MACROD1: variants seen among roughly 807,000 people sequenced by gnomAD.
MACROD1 encodes ADP-ribose glycohydrolase MACROD1.
Under a neutral mutation model 41.4 loss-of-function variants are expected in MACROD1, and 31 were observed. The observed-to-expected ratio is 0.75, with a 90% confidence interval of 0.56 to 1.01. The LOEUF (loss-of-function observed/expected upper bound fraction) is 1.01. MACROD1 is among the 50% of genes least tolerant of loss of function. MACROD1 has a pLI of 0.00. For synonymous variants in MACROD1, 252 were observed against 203.4 expected, an observed-to-expected ratio of 1.24 and a Z score of -2.03; for missense variants, 473 against 460.0, an observed-to-expected ratio of 1.03 and a Z score of -0.26.
In MACROD1 at chr11:64,045,410, G is replaced by A. The variant is rs531107670; in HGVS notation, c.518-30129C>T. On this transcript the variant is annotated intron_variant, in intron 3 of 10. Coordinates refer to ENST00000255681, the MANE Select transcript of MACROD1 (RefSeq NM_014067.4). Reference sequence around the variant, plus strand: ...CATGTTGATAATTTATTTGTGGAAGGGAAAGGGGTGAAGAGCGCAGGAGAG... The same window carrying A: ...CATGTTGATAATTTATTTGTGGAAGAGAAAGGGGTGAAGAGCGCAGGAGAG... Among the ~76,000 whole-genome samples the A allele has an allele frequency of 4.6e-5, 7 of 152,372 alleles. No homozygotes were observed. In the South Asian group the frequency reaches 1.4e-3, roughly 32 times the overall value.
chr11:64,016,196 G>C (rs1943079533), intron 3 of MACROD1, among the ~76,000 whole-genome samples: 1 of 152,254 alleles, frequency 6.6e-6, no homozygotes, highest in African/African-American at 2.4e-5. Flanking sequence ...TGACACGGGG[G>C]CAAAGTGAGG....
chr11:64,094,125 C>T (rs989851264), intron 3 of MACROD1, among the ~76,000 whole-genome samples: 4 of 152,098 alleles, frequency 2.6e-5, no homozygotes, highest in Non-Finnish European at 5.9e-5. Flanking sequence ...GGTGAAACCC[C>T]GACTCTATTA....
rs1295926786 is a variant in MACROD1 at position 63,999,397 on chromosome 11, G to C, written c.825C>G (p.Pro275=). ...PCISTGVFGY[P]CEAAAEIVLA... is the part of the protein sequence containing the mutation. ...GCACGATCTCGGCGGCCGCCTCACA[G>C]GGGTAGCCTGAGGCGGGTGGGGCGG... The change falls in exon 8 of 11, where the codon CCC becomes CCG. Residue 275 remains proline, a synonymous_variant. Transcript: ENST00000255681. The C allele has an allele frequency of 6.3e-7, 1 of 1,590,948 alleles. No individual in the cohort carries two copies. The highest frequency in any genetic ancestry group is 8.5e-7 in the Non-Finnish European group (1 of 1,172,346).
chr11:64,139,145 A>G (rs956217412), intron 3 of MACROD1, among the ~76,000 whole-genome samples: 2 of 151,826 alleles, frequency 1.3e-5, no homozygotes, highest in African/African-American at 4.8e-5. Flanking sequence ...TCTCAGCCCC[A>G]CCTCTGCTCA....
intron 3 of MACROD1, chr11:64,117,182 C>T (rs185115330): frequency 6.2e-7 from 1 of 1,614,092 alleles, no homozygotes; most frequent in East Asian, 2.2e-5. Flanking sequence ...CCAACAACAA[C>T]CTGACCACGC....
chr11:64,028,772 GGGCACCT>G (rs1419357580), intron 3 of MACROD1, among the ~76,000 whole-genome samples: 3 of 152,144 alleles, frequency 2.0e-5, no homozygotes, highest in Non-Finnish European at 4.4e-5. Flanking sequence ...TGGCTGCTGG[GGGCACCT>G]GTGCCCGGCA....
chr11:64,143,753 T>TACACGCACACACACAC lies in MACROD1; in HGVS notation c.517+7485_517+7486insGTGTGTGTGTGCGTGT, dbSNP rs1945448474. 2.0e-5 allele frequency among the ~76,000 whole-genome samples: 2 copies of TACACGCACACACACAC among 101,616 alleles called. 1 individual carries two copies. The highest frequency in any genetic ancestry group is 5.9e-4 in the East Asian group (2 of 3,382). 66.7% of individuals were successfully genotyped at this position (101,616 alleles called of 152,430 possible). On this transcript the variant is annotated intron_variant, in intron 3 of 10. Coordinates refer to ENST00000255681, the MANE Select transcript of MACROD1 (RefSeq NM_014067.4). ...CCTTCCCCCAACCCCGACACACACA[T>TACACGCACACACACAC]ACACACACACACACACACACACACA... is the stretch of plus-strand genomic sequence containing the variant.
chr11:64,135,225 G>C (rs1945316751), intron 3 of MACROD1, among the ~76,000 whole-genome samples: 1 of 152,228 alleles, frequency 6.6e-6, no homozygotes, highest in Non-Finnish European at 1.5e-5. Flanking sequence ...GCCATCCCAG[G>C]TCAGTCTAGC....
chr11:64,118,315 C>T lies in MACROD1; in HGVS notation c.517+32924G>A, dbSNP rs181750370. 24 of 1,530,782 alleles carry T rather than the reference C, an allele frequency of 1.6e-5. No individual in the cohort carries two copies. In the Admixed American group the frequency reaches 1.6e-4, roughly 10 times the overall value. 94.8% of individuals were successfully genotyped at this position (1,530,782 alleles called of 1,614,324 possible). On this transcript the variant is annotated intron_variant, in intron 3 of 10. Coordinates refer to ENST00000255681, the MANE Select transcript of MACROD1 (RefSeq NM_014067.4). ...TGATGCCCGCCCACCCGGGCTGCCC[C>T]GCCTCAGCCCCAGCTGCCCTGGCGT...
chr11:64,065,265 G>A (rs1252390391), intron 3 of MACROD1, among the ~76,000 whole-genome samples: 1 of 152,198 alleles, frequency 6.6e-6, no homozygotes, highest in Non-Finnish European at 1.5e-5. Context: ...GTGAGGCGGT[G>A]GGTGGGCAGG....
intron 1 of MACROD1, among the ~76,000 whole-genome samples, chr11:64,156,073 A>G (rs1056979435): frequency 1.4e-5 from 2 of 140,740 alleles, no homozygotes; most frequent in African/African-American, 2.7e-5. Context: ...ACACCATTGC[A>G]CTCCAGCCTG....
chr11:64,049,297 A>G (rs2134407730), intron 3 of MACROD1, among the ~76,000 whole-genome samples: 1 of 152,280 alleles, frequency 6.6e-6, no homozygotes. Flanking sequence ...CTGGCCCAGG[A>G]TCCCCAAAGC....
At chr11:64,151,458 C>A (rs537151878) in intron 2 of MACROD1, 103 bp from the exon 3 acceptor site, 10 of 778,076 alleles carry the variant, frequency 1.3e-5, no homozygotes, top group Admixed American at 2.0e-5. Context: ...CCTCCCTCCA[C>A]CTCCAGGGGC....
chr11:63,998,843 C>T lies in MACROD1; in HGVS notation c.*25G>A. ...CGGGGCGAGGCCCTGCTTACCAGTC[C>T]CGGTCAGGGTGGGCTGCGGGAGCCT... On this transcript the variant is annotated 3_prime_UTR_variant, in exon 10 of 11. Transcript: ENST00000255681. The T allele has an allele frequency of 6.3e-7, 1 of 1,581,352 alleles. No individual in the cohort carries two copies.
At chr11:64,027,236 C>T (rs979939175) in intron 3 of MACROD1, among the ~76,000 whole-genome samples, 2 of 152,204 alleles carry the variant, frequency 1.3e-5, no homozygotes, top group Non-Finnish European at 2.9e-5. Flanking sequence ...ACGGGGCCCT[C>T]CCTGATCCTT....
chr11:64,056,503 C>CA (rs1206183360), intron 3 of MACROD1, among the ~76,000 whole-genome samples: 1 of 152,190 alleles, frequency 6.6e-6, no homozygotes, highest in Non-Finnish European at 1.5e-5. Context: ...GACAGACGGA[C>CA]GGAGAGACGG....
intron 3 of MACROD1, among the ~76,000 whole-genome samples, chr11:64,131,426 A>G (rs1391049513): frequency 1.3e-5 from 2 of 152,130 alleles, no homozygotes; most frequent in Non-Finnish European, 2.9e-5. Flanking sequence ...TCCCAGGTTC[A>G]AGCGATTCTC....
At chr11:64,089,362 G>A (rs998607284) in intron 3 of MACROD1, among the ~76,000 whole-genome samples, 5 of 152,172 alleles carry the variant, frequency 3.3e-5, no homozygotes, top group East Asian at 1.9e-4. Context: ...AATAGGGCCC[G>A]CAAGTCCCCT....
intron 3 of MACROD1, among the ~76,000 whole-genome samples, chr11:64,045,442 A>G (rs979954395): frequency 3.3e-5 from 5 of 152,188 alleles, no homozygotes; most frequent in African/African-American, 1.2e-4. Context: ...AGAGAGGAGG[A>G]AATGTCATTA....
Sources: allele counts gnomAD v4.1 joint callset (sites outside exome capture counted in the v4.1 genomes callset), GRCh38; gene constraint gnomAD v4.1.1; transcripts MANE v1.5; gene names NCBI Gene and HGNC (gene_info 2026-07-23, HGNC 2026-07-21).